Variants in PSG2 observed in about 807,000 individuals in gnomAD.
PSG2 encodes pregnancy specific beta-1-glycoprotein 2, also known as pregnancy-specific beta-1-glycoprotein 2.
In PSG2, 49 loss-of-function variants were observed where a neutral mutation model predicts 36.2. The observed-to-expected ratio is 1.35, with a 90% CI of 1.08 to 1.72. The LOEUF (loss-of-function observed/expected upper bound fraction) is 1.72. PSG2 is among the 40% of genes most tolerant of loss of function. The pLI is 0.00. For synonymous variants in PSG2, 261 were observed against 155.6 expected (o/e 1.68, Z -5.04); for missense variants, 605 against 407.2 (o/e 1.49, Z -4.18).
rs764821944 is a variant in PSG2 at position 43,075,504 on chromosome 19, G to A, written c.559C>T (p.Leu187Phe). ...AGCTGAAACCTATGAGTCATAGGGA[G>A]GCTCTGACCATTCATCCACCACTGG... is the stretch of plus-strand genomic sequence containing the variant. Reference protein sequence around the residue: ...SYQWWMNGQSLPMTHRFQLSE... With the variant: ...SYQWWMNGQSFPMTHRFQLSE... The change falls in exon 3 of 6, where the codon CTC becomes TTC. Residue 187 changes from leucine (L) to phenylalanine (F), a missense_variant. Physicochemically the swap from Leu to Phe is conservative, Grantham distance 22. Coordinates refer to ENST00000406487, the MANE Select transcript of PSG2 (RefSeq NM_031246.4). 4.3e-6 allele frequency: 7 copies of A among 1,613,110 alleles called. No individual in the cohort carries two copies. Among genetic ancestry groups the A allele is most frequent in the Non-Finnish European group, 5.1e-6 (6 of 1,179,722 alleles).
At chr19:43,067,105 C>G (rs372364529) in intron 4 of PSG2, among the ~76,000 whole-genome samples, 1 of 151,424 alleles carries the variant, frequency 6.6e-6, no homozygotes, top group Non-Finnish European at 1.5e-5. Flanking sequence ...CTCCGAGGCT[C>G]TCTTTAACTC....
chr19:43,065,126 C>T (rs1030272203), intron 5 of PSG2, among the ~76,000 whole-genome samples: 5 of 151,756 alleles, frequency 3.3e-5, no homozygotes, highest in East Asian at 1.9e-4. Flanking sequence ...TGAGCCATCG[C>T]GCTCAGCCTA....
chr19:43,071,761 G>T lies in PSG2; in HGVS notation c.903C>A (p.Cys301Ter), dbSNP rs779316252. Residue 301 changes from cysteine to a stop codon, truncating the protein, a stop_gained, in exon 4 of 6, where the codon TGC becomes TGA. Transcript: ENST00000406487. LOFTEE classifies it high-confidence loss of function. The part of the protein sequence containing the change: ...ITTKHSGLYV[C>*]SVRNSATGEE... ...CGCCAGTGGCTGAGTTACGAACAGA[G>T]CAAACATAGAGCCCGCTATGCTTTG... 6.2e-7 allele frequency: 1 copy of T among 1,612,856 alleles called. No homozygotes were observed. Among genetic ancestry groups the T allele is most frequent in the Non-Finnish European group, 8.5e-7 (1 of 1,179,358 alleles).
At chr19:43,064,805 A>G (rs1967717847) in intron 5 of PSG2, among the ~76,000 whole-genome samples, 1 of 151,740 alleles carries the variant, frequency 6.6e-6, no homozygotes, top group African/African-American at 2.4e-5. Context: ...GATTTTCAGA[A>G]ATTTCATATA....
intron 2 of PSG2, among the ~76,000 whole-genome samples, chr19:43,077,643 C>T (rs1967915987): frequency 2.6e-5 from 4 of 151,868 alleles, no homozygotes; most frequent in South Asian, 4.2e-4. Context: ...TCAGATAGCA[C>T]CCACCTGGTC....
intron 2 of PSG2, among the ~76,000 whole-genome samples, chr19:43,076,749 C>A (rs918658687): frequency 3.3e-5 from 5 of 151,642 alleles, no homozygotes; most frequent in African/African-American, 1.2e-4. Context: ...ATCTCCTGTA[C>A]AGCCTCGTGC....
intron 4 of PSG2, among the ~76,000 whole-genome samples, chr19:43,069,690 C>T (rs1967789564): frequency 6.6e-6 from 1 of 151,550 alleles, no homozygotes; most frequent in African/African-American, 2.4e-5. Flanking sequence ...ACACCATGTA[C>T]AAAAATCAAC....
intron 3 of PSG2, among the ~76,000 whole-genome samples, chr19:43,074,663 T>G (rs1465216148): frequency 6.6e-6 from 1 of 151,734 alleles, no homozygotes; most frequent in Non-Finnish European, 1.5e-5. Flanking sequence ...TAGACTTCAC[T>G]GGAAAACATA....
chr19:43,077,057 T>C (rs1384108490), intron 2 of PSG2, among the ~76,000 whole-genome samples: 2 of 151,686 alleles, frequency 1.3e-5, no homozygotes, highest in African/African-American at 4.9e-5. Flanking sequence ...TCATGTTATG[T>C]TCTGACTCTA....
At position 43,081,095 on chromosome 19, in the gene PSG2, G is replaced by T. The variant is rs565565184; in HGVS notation, c.216C>A (p.Ile72=). The change falls in exon 2 of 6, where the codon ATC becomes ATA. Residue 72 remains isoleucine (I), a synonymous_variant. Transcript: ENST00000406487. ...ATGTAATGTAATGGTAGAGGTCCCT[G>T]ATTTGCCCTTTGTACCAGATGTAGC... ...LTGYIWYKGQ[I]RDLYHYITSY... is the part of the protein sequence containing the mutation. The T allele has an allele frequency of 2.5e-6, 4 of 1,612,810 alleles. No homozygotes were observed. The highest frequency in any genetic ancestry group is 2.2e-5 in the East Asian group (1 of 44,854).
intron 4 of PSG2, among the ~76,000 whole-genome samples, chr19:43,069,431 G>A (rs1179395196): frequency 3.3e-5 from 5 of 151,742 alleles, no homozygotes; most frequent in Non-Finnish European, 7.4e-5. Context: ...AATGAAGCTG[G>A]AGGACTCACA....
chr19:43,075,450 A>G lies in PSG2; in HGVS notation c.613T>C (p.Phe205Leu). Residue 205 changes from phenylalanine (F) to leucine (L), a missense_variant, in exon 3 of 6, where the codon TTT (phenylalanine) becomes CTT (leucine). Transcript: ENST00000406487. ...CCTGCAGTATACTTTGTGACACCAA[A>G]TAGAAAGAGGGTCCTGTTGGTTTCG... ...LSETNRTLFL[F>L]GVTKYTAGPY... 2 of 1,613,132 alleles carry G rather than the reference A, an allele frequency of 1.2e-6. No homozygotes were observed. Among genetic ancestry groups the G allele is most frequent in the Non-Finnish European group, 1.7e-6 (2 of 1,179,666 alleles).
chr19:43,079,646 G>T (rs1207506938), intron 2 of PSG2, among the ~76,000 whole-genome samples: 1 of 151,628 alleles, frequency 6.6e-6, no homozygotes, highest in Non-Finnish European at 1.5e-5. Flanking sequence ...TTCAGGTTCA[G>T]TGATGGGGGT....
At chr19:43,081,556 G>C (rs1967976203) in intron 1 of PSG2, among the ~76,000 whole-genome samples, 1 of 151,296 alleles carries the variant, frequency 6.6e-6, no homozygotes, top group African/African-American at 2.4e-5. Flanking sequence ...ACCCCATCAG[G>C]TCCTGCTCAC....
Position 43,081,242 on chromosome 19 carries a change from T to A in PSG2, c.69A>T (p.Ser23=). Residue 23 remains serine (S), a synonymous_variant, in exon 2 of 6, where the codon TCA becomes TCT. Transcript: ENST00000406487. ...TGGGCAGGTTCCAGAAGTTTAAAAG[T>A]GATGCTAGGAGGTGGAGAGAGCATC... ...IKWKGLLVTA[S]LLNFWNLPTT... 1 of 1,611,282 alleles carries A rather than the reference T, an allele frequency of 6.2e-7. No individual in the cohort carries two copies. Among genetic ancestry groups the A allele is most frequent in the South Asian group, 1.1e-5 (1 of 90,944 alleles).
At position 43,064,325 on chromosome 19, in the gene PSG2, A is replaced by C. The variant is rs1240734683; in HGVS notation, c.*317T>G. On this transcript the variant is annotated 3_prime_UTR_variant, in exon 6 of 6. Coordinates refer to ENST00000406487, the MANE Select transcript of PSG2 (RefSeq NM_031246.4). ...AAATGTTTCAATTTTTGTTTACAAA[A>C]GTATACTTTACCAATTGCTCAAGAA... 1 of 267,056 alleles carries C rather than the reference A, an allele frequency of 3.7e-6. No homozygotes were observed. The allele number at this position is 267,056 out of a possible 1,614,324, so 16.5% of individuals were successfully genotyped here.
chr19:43,079,997 T>C (rs1444018478), intron 2 of PSG2, among the ~76,000 whole-genome samples: 1 of 151,786 alleles, frequency 6.6e-6, no homozygotes, highest in Non-Finnish European at 1.5e-5. Flanking sequence ...GCAAATGGAC[T>C]GTGGCTTTTC....
intron 4 of PSG2, 53 bp downstream of exon 4, chr19:43,071,647 C>G: frequency 6.2e-7 from 1 of 1,612,560 alleles, no homozygotes; most frequent in Non-Finnish European, 8.5e-7. Flanking sequence ...TCTCTGAAAG[C>G]CAGATAGACT....
chr19:43,073,520 A>G lies in PSG2; in HGVS notation c.710-1566T>C, dbSNP rs758446699. Reference sequence around the variant, plus strand: ...GGTCGTCATGGACCATGTGTGTTTGATGGATATGAGACAAATTTGGAGAGA... The same window carrying G: ...GGTCGTCATGGACCATGTGTGTTTGGTGGATATGAGACAAATTTGGAGAGA... On this transcript the variant is annotated intron_variant, in intron 3 of 5. Transcript: ENST00000406487. Among the ~76,000 whole-genome samples the G allele has an allele frequency of 7.3e-5, 11 of 151,708 alleles. 1 individual carries two copies. Among genetic ancestry groups the G allele is most frequent in the Non-Finnish European group, 1.6e-4 (11 of 67,968 alleles).
Sources: allele counts gnomAD v4.1 joint callset (sites outside exome capture counted in the v4.1 genomes callset), GRCh38; gene constraint gnomAD v4.1.1; transcripts MANE v1.5; gene names NCBI Gene and HGNC (gene_info 2026-07-23, HGNC 2026-07-21).